CHST11: variants seen among roughly 807,000 people sequenced by gnomAD.
CHST11 encodes the protein carbohydrate sulfotransferase 11.
A neutral mutation model predicts 30.4 loss-of-function variants in CHST11; 9 were observed. The ratio of observed to expected loss-of-function variants is 0.30; its 90% CI spans 0.18 to 0.52. CHST11 has a LOEUF of 0.52. Ranked by LOEUF, CHST11 falls within the 20% of genes least tolerant of loss-of-function variation. CHST11 has a pLI of 0.97. For synonymous variants in CHST11, 152 were observed against 187.8 expected (o/e 0.81, Z 1.56); for missense variants, 348 against 460.6 (o/e 0.76, Z 2.24).
chr12:104,637,484 A>G (rs2039337157), intron 2 of CHST11, among the ~76,000 whole-genome samples: 3 of 151,754 alleles, frequency 2.0e-5, no homozygotes, highest in Non-Finnish European at 4.4e-5. Flanking sequence ...CTTAAAGTAT[A>G]ATAATAATTT....
chr12:104,706,212 T>C (rs991916743), intron 2 of CHST11, among the ~76,000 whole-genome samples: 6 of 151,280 alleles, frequency 4.0e-5, no homozygotes, highest in South Asian at 2.1e-4. Flanking sequence ...GGTGAAACCC[T>C]GTCTCTATTA....
intron 2 of CHST11, among the ~76,000 whole-genome samples, chr12:104,721,450 T>C (rs2040175926): frequency 6.6e-6 from 1 of 152,222 alleles, no homozygotes; most frequent in African/African-American, 2.4e-5. Context: ...GATCGGTTCA[T>C]GTATCTCTGT....
chr12:104,604,462 G>GC (rs2038984356), intron 2 of CHST11, among the ~76,000 whole-genome samples: 1 of 152,144 alleles, frequency 6.6e-6, no homozygotes, highest in African/African-American at 2.4e-5. Flanking sequence ...TCCATCCCAC[G>GC]CAAGTTCAGT....
chr12:104,724,334 G>A (rs1230908082), intron 2 of CHST11, among the ~76,000 whole-genome samples: 1 of 152,134 alleles, frequency 6.6e-6, no homozygotes, highest in African/African-American at 2.4e-5. Flanking sequence ...TGTTTGATGG[G>A]TACAGAGAAT....
intron 2 of CHST11, among the ~76,000 whole-genome samples, chr12:104,606,175 C>CCG (rs1555235922): frequency 9.3e-6 from 1 of 106,980 alleles, no homozygotes; most frequent in Non-Finnish European, 1.8e-5. Flanking sequence ...GGGCGGGGGG[C>CCG]GGGGGGGGGA....
intron 2 of CHST11, among the ~76,000 whole-genome samples, chr12:104,701,731 T>C (rs897951886): frequency 2.6e-5 from 4 of 152,210 alleles, no homozygotes; most frequent in Non-Finnish European, 4.4e-5. Flanking sequence ...CCCTGCCATC[T>C]TACCAAGCCA....
intron 2 of CHST11, among the ~76,000 whole-genome samples, chr12:104,747,904 A>G (rs1338703763): frequency 1.3e-5 from 2 of 152,226 alleles, no homozygotes; most frequent in African/African-American, 4.8e-5. Context: ...TTTTAATTTA[A>G]GGGAAACCAG....
intron 2 of CHST11, among the ~76,000 whole-genome samples, chr12:104,718,682 G>C (rs2040150658): frequency 6.6e-6 from 1 of 152,110 alleles, no homozygotes; most frequent in Non-Finnish European, 1.5e-5. Context: ...ACTGAAATTG[G>C]GGGCGTCTCC....
chr12:104,529,216 G>A (rs1229889664), intron 1 of CHST11, among the ~76,000 whole-genome samples: 1 of 152,208 alleles, frequency 6.6e-6, no homozygotes, highest in Non-Finnish European at 1.5e-5. Context: ...TGGAGAGATT[G>A]TTAGGTCTGG....
At chr12:104,705,649 G>A (rs999215064) in intron 2 of CHST11, among the ~76,000 whole-genome samples, 2 of 152,168 alleles carry the variant, frequency 1.3e-5, no homozygotes, top group African/African-American at 2.4e-5. Flanking sequence ...GGCCAGGCGC[G>A]GTGGCTCACA....
At chr12:104,647,215 T>C (rs1198346704) in intron 2 of CHST11, among the ~76,000 whole-genome samples, 3 of 152,182 alleles carry the variant, frequency 2.0e-5, no homozygotes, top group Admixed American at 6.5e-5. Context: ...GAGGATGCCA[T>C]CGGGTGGCTG....
chr12:104,599,369 C>T (rs373544326), intron 1 of CHST11, among the ~76,000 whole-genome samples: 7 of 152,304 alleles, frequency 4.6e-5, no homozygotes, highest in East Asian at 1.9e-4. Flanking sequence ...CGCGCGGTCC[C>T]GGAGCCATGG....
chr12:104,706,182 G>A (rs1272690814), intron 2 of CHST11, among the ~76,000 whole-genome samples: 4 of 151,898 alleles, frequency 2.6e-5, no homozygotes, highest in African/African-American at 7.3e-5. Context: ...TCAGGAGCTC[G>A]AGACCAGCCT....
chr12:104,475,336 T>C (rs1593955201), intron 1 of CHST11, among the ~76,000 whole-genome samples: 1 of 151,896 alleles, frequency 6.6e-6, no homozygotes, highest in African/African-American at 2.4e-5. Flanking sequence ...TGCTTTATAA[T>C]AATGGCTGTG....
chr12:104,472,496 T>C (rs904810204), intron 1 of CHST11, among the ~76,000 whole-genome samples: 4 of 152,292 alleles, frequency 2.6e-5, no homozygotes, highest in Non-Finnish European at 5.9e-5. Flanking sequence ...ATTGTGCTAT[T>C]GAGATCTTGA....
intron 1 of CHST11, among the ~76,000 whole-genome samples, chr12:104,544,393 A>T (rs945349726): frequency 4.6e-5 from 7 of 152,098 alleles, no homozygotes; most frequent in Non-Finnish European, 7.4e-5. Context: ...GAGGAGGATA[A>T]GGGAGAAAAT....
At chr12:104,501,594 C>G (rs1046847667) in intron 1 of CHST11, among the ~76,000 whole-genome samples, 2 of 152,258 alleles carry the variant, frequency 1.3e-5, no homozygotes, top group South Asian at 2.1e-4. Flanking sequence ...CAAGCCGACA[C>G]TCTGAGCACC....
intron 2 of CHST11, among the ~76,000 whole-genome samples, chr12:104,635,061 C>T (rs1028590050): frequency 2.0e-5 from 3 of 150,598 alleles, no homozygotes; most frequent in African/African-American, 7.3e-5. Context: ...GTCAGCAGTC[C>T]TGTTCCTGGG....
chr12:104,589,576 A>G (rs1437890297), intron 1 of CHST11, among the ~76,000 whole-genome samples: 1 of 152,206 alleles, frequency 6.6e-6, no homozygotes, highest in East Asian at 1.9e-4. Flanking sequence ...GGACACCTGA[A>G]AGTGGTCAAA....
Sources: allele counts gnomAD v4.1 joint callset (sites outside exome capture counted in the v4.1 genomes callset), GRCh38; gene constraint gnomAD v4.1.1; transcripts MANE v1.5; gene names NCBI Gene and HGNC (gene_info 2026-07-23, HGNC 2026-07-21).